Variants in GRIK1 observed in about 807,000 individuals in gnomAD.
GRIK1 encodes glutamate receptor ionotropic, kainate 1.
A neutral mutation model predicts 105.7 loss-of-function variants in GRIK1; 69 were observed. That is an observed-to-expected ratio of 0.65 (90% CI 0.54 to 0.80). GRIK1 has a LOEUF of 0.80. Among genes scored for constraint, GRIK1 ranks in the 30% least tolerant of loss-of-function variants. The pLI, the probability that GRIK1 is intolerant of heterozygous loss-of-function variation, is 0.00. For synonymous variants in GRIK1, 438 were observed against 431.3 expected, an observed-to-expected ratio of 1.02 and a Z score of -0.19; for missense variants, 1,109 against 1,167.3, an observed-to-expected ratio of 0.95 and a Z score of 0.73.
At chr21:29,612,523 C>A (rs1018310753) in intron 7 of GRIK1, among the ~76,000 whole-genome samples, 1 of 152,188 alleles carries the variant, frequency 6.6e-6, no homozygotes, top group African/African-American at 2.4e-5. Flanking sequence ...ATATGCCCTA[C>A]ATTCTCTTCC....
At chr21:29,565,412 C>T (rs1216830150) in intron 14 of GRIK1, among the ~76,000 whole-genome samples, 3 of 152,160 alleles carry the variant, frequency 2.0e-5, no homozygotes, top group Non-Finnish European at 4.4e-5. Context: ...ACAGCTTCAG[C>T]ACCTTAAAGG....
At chr21:29,673,783 TAGA>T (rs1480746521) in intron 3 of GRIK1, among the ~76,000 whole-genome samples, 2 of 152,200 alleles carry the variant, frequency 1.3e-5, no homozygotes, top group African/African-American at 4.8e-5. Context: ...ATAGAATTTT[TAGA>T]AATTAAGATC....
At chr21:29,580,077 GTA>G (rs1283322578) in intron 13 of GRIK1, among the ~76,000 whole-genome samples, 1 of 141,610 alleles carries the variant, frequency 7.1e-6, no homozygotes, top group South Asian at 2.2e-4. Flanking sequence ...GTATATATAT[GTA>G]TATGTGTGTG....
rs71335097 is a variant in GRIK1, at chr21:29,827,975, ATCTC to A, written c.118+111404_118+111407del. On this transcript the variant is annotated intron_variant, in intron 1 of 17. Transcript: ENST00000327783. ...CATGTCTTTCTATAATATAGTTAGG[ATCTC>A]TCTCTCTCTCTCTCTCTCTCTCTGT... Among the ~76,000 whole-genome samples, 116 of 113,500 alleles carry A rather than the reference ATCTC, an allele frequency of 1.0e-3. 1 individual carries two copies. Among genetic ancestry groups the A allele is most frequent in the Non-Finnish European group, 1.3e-3 (71 of 52,872 alleles). The allele number at this position is 113,500 out of a possible 152,430, so 74.5% of individuals were successfully genotyped here. A position where few individuals can be genotyped will look rare whatever the true frequency, so the allele number is the denominator to read the frequency against.
At chr21:29,907,065 A>G (rs1343071058) in intron 1 of GRIK1, among the ~76,000 whole-genome samples, 1 of 151,566 alleles carries the variant, frequency 6.6e-6, no homozygotes, top group African/African-American at 2.4e-5. Flanking sequence ...AAGTTTCTGC[A>G]AAGCACACAG....
At chr21:29,875,001 G>GGT (rs2069142461) in intron 1 of GRIK1, among the ~76,000 whole-genome samples, 1 of 143,054 alleles carries the variant, frequency 7.0e-6, no homozygotes, top group Admixed American at 6.9e-5. Context: ...TAGTTTCAGG[G>GGT]TTTTTTTTTT....
chr21:29,680,127 C>T (rs1468456094), intron 3 of GRIK1, among the ~76,000 whole-genome samples: 1 of 152,118 alleles, frequency 6.6e-6, no homozygotes, highest in East Asian at 1.9e-4. Context: ...GTGCTGGATA[C>T]TCAAAAAGAC....
chr21:29,691,118 C>T (rs1296391005), intron 2 of GRIK1, among the ~76,000 whole-genome samples: 1 of 151,726 alleles, frequency 6.6e-6, no homozygotes, highest in Non-Finnish European at 1.5e-5. Flanking sequence ...CGAGACCTGC[C>T]TGGCCATCAT....
chr21:29,778,118 C>G (rs767256877), intron 1 of GRIK1, among the ~76,000 whole-genome samples: 27 of 152,246 alleles, frequency 1.8e-4, no homozygotes, highest in South Asian at 2.1e-4. Flanking sequence ...TAGAACCTAG[C>G]GTGCAGTTCT....
chr21:29,571,469 C>G (rs1487846294), intron 14 of GRIK1, among the ~76,000 whole-genome samples: 1 of 152,106 alleles, frequency 6.6e-6, no homozygotes, highest in African/African-American at 2.4e-5. Flanking sequence ...TGGTTTTCTT[C>G]TTGTTGAGAA....
At chr21:29,650,750 C>G (rs1476530076) in intron 6 of GRIK1, among the ~76,000 whole-genome samples, 1 of 152,160 alleles carries the variant, frequency 6.6e-6, no homozygotes, top group African/African-American at 2.4e-5. Context: ...GTGAGGAACA[C>G]AAATCGGTTC....
intron 1 of GRIK1, among the ~76,000 whole-genome samples, chr21:29,742,119 T>C (rs2064945383): frequency 6.6e-6 from 1 of 152,234 alleles, no homozygotes. Flanking sequence ...AAGGAATTTA[T>C]CTAATTCTGC....
intron 1 of GRIK1, among the ~76,000 whole-genome samples, chr21:29,779,386 G>A (rs1226586296): frequency 2.0e-5 from 3 of 150,098 alleles, no homozygotes; most frequent in African/African-American, 7.4e-5. Context: ...GCATGTGTTT[G>A]GAGGCTTATG....
At chr21:29,624,739 G>C (rs751165039) in intron 7 of GRIK1, among the ~76,000 whole-genome samples, 1 of 152,220 alleles carries the variant, frequency 6.6e-6, no homozygotes, top group Non-Finnish European at 1.5e-5. Context: ...TAAATCACTA[G>C]TTTGTAATTT....
At chr21:29,761,964 T>C (rs1482868435) in intron 1 of GRIK1, among the ~76,000 whole-genome samples, 1 of 152,200 alleles carries the variant, frequency 6.6e-6, no homozygotes, top group Admixed American at 6.5e-5. Flanking sequence ...GCCAGGCTGG[T>C]CTTGAACTCC....
chr21:29,745,938 C>T (rs2065037621), intron 1 of GRIK1, among the ~76,000 whole-genome samples: 1 of 152,032 alleles, frequency 6.6e-6, no homozygotes, highest in Non-Finnish European at 1.5e-5. Context: ...CCCTTCTCTA[C>T]TAAAAATACA....
intron 1 of GRIK1, among the ~76,000 whole-genome samples, chr21:29,790,743 A>G (rs2066391487): frequency 6.6e-6 from 1 of 152,314 alleles, no homozygotes; most frequent in Non-Finnish European, 1.5e-5. Context: ...ATGAGGCACC[A>G]TGCCCTGCCT....
In GRIK1 at chr21:29,705,557, A is replaced by G. The variant is rs548378632; in HGVS notation, c.119-11494T>C. The stretch of plus-strand genomic sequence containing the variant: ...TCTACTCTCTTTGGGACTGACTAAA[A>G]TAATTTGCAGTCTTAAATATTGTTC... On this transcript the variant is annotated intron_variant, in intron 1 of 17. Transcript: ENST00000327783. 2.0e-5 allele frequency among the ~76,000 whole-genome samples: 3 copies of G among 152,372 alleles called. No homozygotes were observed. In the East Asian group the frequency reaches 5.8e-4, roughly 29 times the overall value.
At chr21:29,822,014 G>T (rs1260357874) in intron 1 of GRIK1, among the ~76,000 whole-genome samples, 1 of 152,000 alleles carries the variant, frequency 6.6e-6, no homozygotes, top group Admixed American at 6.6e-5. Context: ...AACTTGTGTT[G>T]TTCAAAGGTC....
Sources: allele counts gnomAD v4.1 joint callset (sites outside exome capture counted in the v4.1 genomes callset), GRCh38; gene constraint gnomAD v4.1.1; transcripts MANE v1.5; gene names NCBI Gene and HGNC (gene_info 2026-07-23, HGNC 2026-07-21).